Variants in PTGER3 observed in about 807,000 individuals in gnomAD.
The protein encoded by PTGER3 is prostaglandin E receptor 3, also known as prostaglandin E2 receptor EP3 subtype.
PTGER3 carries 22 observed loss-of-function variants against 34.7 expected under a neutral mutation model. That is an observed-to-expected ratio of 0.63 (90% CI 0.45 to 0.91). The LOEUF is 0.91. Among genes scored for constraint, PTGER3 ranks in the 40% least tolerant of loss-of-function variants. PTGER3 has a pLI of 0.00. For missense variants in PTGER3, 468 were observed against 519.4 expected, an observed-to-expected ratio of 0.90 and a Z score of 0.96; for synonymous variants, 241 against 230.1, an observed-to-expected ratio of 1.05 and a Z score of -0.43.
Position 70,963,178 on chromosome 1 carries a change from A to G in PTGER3, c.1078-9389T>C, listed in dbSNP as rs552236591. 2.0e-5 allele frequency among the ~76,000 whole-genome samples: 3 copies of G among 152,294 alleles called. No homozygotes were observed. The South Asian group carries it at 6.2e-4, about 32-fold the overall frequency. On this transcript the variant is annotated intron_variant, in intron 2 of 3. Transcript: ENST00000356595. ...AAAAGGTGGGTTCTCATAATCTGAG[A>G]CAGCTCTGTCCCTCTGGCTTTGCAG...
At chr1:70,904,229 C>G (rs1227067732) in intron 4 of PTGER3, among the ~76,000 whole-genome samples, 1 of 152,210 alleles carries the variant, frequency 6.6e-6, no homozygotes, top group East Asian at 1.9e-4. Flanking sequence ...CCAATTAAAT[C>G]TCTTTATTTT....
At chr1:70,963,218 C>T (rs1652131498) in intron 2 of PTGER3, among the ~76,000 whole-genome samples, 1 of 152,322 alleles carries the variant, frequency 6.6e-6, no homozygotes, top group Non-Finnish European at 1.5e-5. Flanking sequence ...CATCCCCTCT[C>T]CTGACTGATT....
At chr1:71,010,946 A>G (rs1657387545) in intron 2 of PTGER3, 1 of 985,410 alleles carries the variant, frequency 1.0e-6, no homozygotes, top group South Asian at 4.7e-5. Flanking sequence ...CAAGCTTTTA[A>G]AAAACTAGAA....
At chr1:71,016,262 AG>A (rs1242681030) in intron 1 of PTGER3, among the ~76,000 whole-genome samples, 1 of 152,212 alleles carries the variant, frequency 6.6e-6, no homozygotes, top group Non-Finnish European at 1.5e-5. Context: ...AAATGTTCAG[AG>A]GAGCATTATA....
chr1:70,915,710 G>A (rs183587052), intron 4 of PTGER3, among the ~76,000 whole-genome samples: 9 of 152,036 alleles, frequency 5.9e-5, no homozygotes, highest in Admixed American at 2.6e-4. Flanking sequence ...TCTGAATAGG[G>A]TGTCCTTTCC....
intron 3 of PTGER3, 44 bp from the exon 4 acceptor site, chr1:70,971,777 A>C: frequency 1.4e-6 from 2 of 1,380,202 alleles, no homozygotes; most frequent in Non-Finnish European, 2.0e-6. Context: ...ATGGATGGGG[A>C]TTATTTTTTT....
chr1:70,886,351 G>T, intron 4 of PTGER3: 3 of 445,424 alleles, frequency 6.7e-6, no homozygotes, highest in Non-Finnish European at 9.0e-6. Context: ...AATTTCTGTT[G>T]TTTAAGCCAC....
At chr1:71,006,277 C>T (rs879438477) in intron 2 of PTGER3, 29 of 985,258 alleles carry the variant, frequency 2.9e-5, no homozygotes, top group Middle Eastern at 5.2e-4. Flanking sequence ...TCTTTTCTCA[C>T]GAAGAAAGAG....
exon 4 of PTGER3, chr1:70,952,800 A>T (rs1650890593): frequency 1.5e-6 from 2 of 1,378,378 alleles, no homozygotes; most frequent in Non-Finnish European, 1.9e-6. Flanking sequence ...TTCCGAGTCA[A>T]TCAACACATG....
intron 4 of PTGER3, among the ~76,000 whole-genome samples, chr1:70,872,225 G>T (rs1646178227): frequency 6.6e-6 from 1 of 152,172 alleles, no homozygotes; most frequent in Non-Finnish European, 1.5e-5. Flanking sequence ...GAGATGGTCG[G>T]TGTTTTTCTT....
At chr1:71,001,196 AACTT>A (rs1030290195) in intron 2 of PTGER3, among the ~76,000 whole-genome samples, 1 of 123,384 alleles carries the variant, frequency 8.1e-6, no homozygotes, top group Non-Finnish European at 1.9e-5. Flanking sequence ...TTTATGAAAA[AACTT>A]AAGAAAAGAA....
chr1:70,939,030 C>T (rs1224493227), intron 4 of PTGER3, among the ~76,000 whole-genome samples: 1 of 152,138 alleles, frequency 6.6e-6, no homozygotes, highest in African/African-American at 2.4e-5. Context: ...TCCCTTCCCC[C>T]TGTGAGCCTG....
At chr1:70,880,510 T>TA (rs1646367366) in intron 4 of PTGER3, among the ~76,000 whole-genome samples, 1 of 151,080 alleles carries the variant, frequency 6.6e-6, no homozygotes, top group African/African-American at 2.4e-5. Flanking sequence ...GCCAACATGG[T>TA]GAAACCCCAT....
At chr1:70,958,067 T>G (rs1651542428) in intron 2 of PTGER3, among the ~76,000 whole-genome samples, 2 of 152,154 alleles carry the variant, frequency 1.3e-5, no homozygotes, top group Non-Finnish European at 2.9e-5. Flanking sequence ...TGTGTGTGTT[T>G]GTGTGTATAA....
chr1:71,029,176 C>A (rs1659190863), intron 1 of PTGER3, among the ~76,000 whole-genome samples: 1 of 152,204 alleles, frequency 6.6e-6, no homozygotes, highest in African/African-American at 2.4e-5. Flanking sequence ...ATTCTAGTGT[C>A]CTTTTCACTT....
At chr1:70,924,245 T>C (rs1647837455) in intron 4 of PTGER3, among the ~76,000 whole-genome samples, 1 of 152,198 alleles carries the variant, frequency 6.6e-6, no homozygotes, top group Non-Finnish European at 1.5e-5. Flanking sequence ...TTATGGCAAA[T>C]ATTTATTCTT....
At chr1:70,927,431 C>T (rs1429596338) in intron 4 of PTGER3, among the ~76,000 whole-genome samples, 1 of 151,916 alleles carries the variant, frequency 6.6e-6, no homozygotes, top group Admixed American at 6.6e-5. Context: ...TGCCATTATC[C>T]AAGATAGAGA....
intron 4 of PTGER3, among the ~76,000 whole-genome samples, chr1:70,914,983 G>A (rs1247552654): frequency 3.9e-5 from 6 of 151,922 alleles, no homozygotes; most frequent in South Asian, 2.1e-4. Flanking sequence ...AGTATATGCC[G>A]GGAACCTATG....
intron 2 of PTGER3, among the ~76,000 whole-genome samples, chr1:71,003,452 C>T (rs1656666800): frequency 6.6e-6 from 1 of 152,168 alleles, no homozygotes; most frequent in Non-Finnish European, 1.5e-5. Flanking sequence ...ATAAATCTCT[C>T]TTGTTGGGCC....
Sources: gnomAD v4.1 joint callset for allele counts (sites outside exome capture counted in the v4.1 genomes callset) on GRCh38, gnomAD v4.1.1 for gene constraint, MANE v1.5 for transcripts, NCBI Gene and HGNC (gene_info 2026-07-23, HGNC 2026-07-21) for gene names.